Variants in PVT1 observed in about 807,000 individuals in gnomAD.
PVT1 encodes the protein Pvt1 oncogene.
intron 5 of PVT1, among the ~76,000 whole-genome samples, chr8:128,091,031 C>G (rs554656469): frequency 6.6e-6 from 1 of 152,260 alleles, no homozygotes; most frequent in Non-Finnish European, 1.5e-5. Flanking sequence ...ACCTTTCCCA[C>G]AGACTTTCCT....
intron 4 of PVT1, among the ~76,000 whole-genome samples, chr8:128,004,606 T>C (rs1274287510): frequency 2.0e-5 from 3 of 152,208 alleles, no homozygotes; most frequent in Non-Finnish European, 4.4e-5. Flanking sequence ...AATGTATTTG[T>C]GGCGTTAGGA....
intron 2 of PVT1, among the ~76,000 whole-genome samples, chr8:127,816,665 G>A (rs1386630475): frequency 1.3e-5 from 2 of 151,838 alleles, no homozygotes; most frequent in Non-Finnish European, 2.9e-5. Flanking sequence ...CTGGGATTAC[G>A]GGCACTCGCC....
At chr8:127,849,266 A>C (rs1207225724) in intron 2 of PVT1, among the ~76,000 whole-genome samples, 1 of 152,106 alleles carries the variant, frequency 6.6e-6, no homozygotes, top group Non-Finnish European at 1.5e-5. Context: ...AGGCCTTGGG[A>C]GACCTTTACC....
intron 4 of PVT1, among the ~76,000 whole-genome samples, chr8:128,020,222 C>T (rs1817417277): frequency 6.6e-6 from 1 of 152,200 alleles, no homozygotes; most frequent in Non-Finnish European, 1.5e-5. Flanking sequence ...GCCCTAATCT[C>T]TGATGTTATG....
intron 2 of PVT1, among the ~76,000 whole-genome samples, chr8:127,825,720 C>CTGCATCTGACATATGTGG (rs1814780023): frequency 6.6e-6 from 1 of 152,164 alleles, no homozygotes; most frequent in Non-Finnish European, 1.5e-5. Flanking sequence ...GCTGTATGTT[C>CTGCATCTGACATATGTGG]CTAGCCGCGT....
At chr8:127,877,133 C>G (rs1342413571) in intron 2 of PVT1, among the ~76,000 whole-genome samples, 4 of 152,168 alleles carry the variant, frequency 2.6e-5, no homozygotes, top group Non-Finnish European at 4.4e-5. Flanking sequence ...GGACAACTCC[C>G]CAGCGCCTGA....
chr8:127,798,118 C>T (rs1274546606), intron 2 of PVT1, among the ~76,000 whole-genome samples: 5 of 151,970 alleles, frequency 3.3e-5, no homozygotes, highest in African/African-American at 1.2e-4. Flanking sequence ...GCCTGGCCAA[C>T]ATGGTGAAAC....
chr8:127,986,592 T>C (rs1816973417), intron 3 of PVT1, among the ~76,000 whole-genome samples: 1 of 152,148 alleles, frequency 6.6e-6, no homozygotes, highest in Non-Finnish European at 1.5e-5. Context: ...TCCCTGTTTC[T>C]CCCACCAATT....
intron 3 of PVT1, among the ~76,000 whole-genome samples, chr8:127,895,776 T>G (rs1242072466): frequency 6.6e-6 from 1 of 152,240 alleles, no homozygotes; most frequent in Non-Finnish European, 1.5e-5. Context: ...AAGTAAAGAT[T>G]GGCAAACTTT....
intron 2 of PVT1, among the ~76,000 whole-genome samples, chr8:127,842,545 T>C (rs1814985288): frequency 6.6e-6 from 1 of 151,904 alleles, no homozygotes; most frequent in Admixed American, 6.6e-5. Context: ...AGATTAAAGG[T>C]GTGAGCCACT....
chr8:127,933,131 A>C (rs1055030085), intron 3 of PVT1, among the ~76,000 whole-genome samples: 1 of 152,094 alleles, frequency 6.6e-6, no homozygotes. Flanking sequence ...GCTGGAGTGC[A>C]ATGGCACGAT....
chr8:128,034,175 T>C (rs1813432773), intron 4 of PVT1, among the ~76,000 whole-genome samples: 1 of 149,156 alleles, frequency 6.7e-6, no homozygotes, highest in Non-Finnish European at 1.5e-5. Context: ...CTCTTTTCTC[T>C]CCTCCTTCTC....
intron 2 of PVT1, among the ~76,000 whole-genome samples, chr8:127,800,968 C>T (rs1372024101): frequency 3.3e-5 from 5 of 152,168 alleles, no homozygotes; most frequent in African/African-American, 7.2e-5. Context: ...TCAGGGCAGG[C>T]TCCATGGAGG....
intron 2 of PVT1, among the ~76,000 whole-genome samples, chr8:127,814,714 A>G (rs1814640155): frequency 6.6e-6 from 1 of 152,214 alleles, no homozygotes; most frequent in Admixed American, 6.5e-5. Context: ...TTCTAACTGT[A>G]CAATTCAGTG....
intron 5 of PVT1, among the ~76,000 whole-genome samples, chr8:128,079,750 A>T (rs1237762785): frequency 1.3e-5 from 2 of 151,972 alleles, no homozygotes; most frequent in Admixed American, 1.3e-4. Flanking sequence ...TTTGAGATGG[A>T]GTCTCACTCT....
intron 2 of PVT1, among the ~76,000 whole-genome samples, chr8:127,889,527 A>G (rs1213893999): frequency 6.6e-6 from 1 of 151,448 alleles, no homozygotes; most frequent in East Asian, 1.9e-4. Context: ...TCTCATCTCT[A>G]AAGTCGGTTA....
intron 2 of PVT1, among the ~76,000 whole-genome samples, chr8:127,808,928 G>A (rs1814557871): frequency 6.8e-6 from 1 of 146,790 alleles, no homozygotes; most frequent in African/African-American, 2.5e-5. Flanking sequence ...TACTTGGGAA[G>A]CTGAGGCAGG....
chr8:127,910,893 TTGTG>T (rs537562200), intron 3 of PVT1, among the ~76,000 whole-genome samples: 7 of 140,630 alleles, frequency 5.0e-5, no homozygotes, highest in South Asian at 2.4e-4. Flanking sequence ...GTGTGTGTGT[TTGTG>T]TGTGTGTGTG....
At chr8:127,814,889 C>A (rs1336466353) in intron 2 of PVT1, among the ~76,000 whole-genome samples, 2 of 152,224 alleles carry the variant, frequency 1.3e-5, no homozygotes, top group African/African-American at 4.8e-5. Context: ...ATCTAACTAC[C>A]CTAAGCATCC....
Sources: gnomAD v4.1 joint callset for allele counts (sites outside exome capture counted in the v4.1 genomes callset) on GRCh38, gnomAD v4.1.1 for gene constraint, MANE v1.5 for transcripts, NCBI Gene and HGNC (gene_info 2026-07-23, HGNC 2026-07-21) for gene names.